Variants in FKTN observed in about 807,000 individuals in gnomAD.
FKTN encodes fukutin, also known as ribitol-5-phosphate transferase FKTN.
Under a neutral mutation model 58.6 loss-of-function variants are expected in FKTN, and 47 were observed. That is an observed-to-expected ratio of 0.80 (90% CI 0.63 to 1.02). The LOEUF is 1.02. FKTN is among the 50% of genes least tolerant of loss of function. The probability of loss-of-function intolerance (pLI) is 0.00; values close to 1 mark genes in which losing one functional copy is unlikely to be tolerated. For missense variants in FKTN, 516 were observed against 537.3 expected, an observed-to-expected ratio of 0.96 and a Z score of 0.39; for synonymous variants, 178 against 191.9, an observed-to-expected ratio of 0.93 and a Z score of 0.60.
Position 105,607,846 on chromosome 9 carries a change from T to C in FKTN, c.675T>C (p.Asp225=), listed in dbSNP as rs779298204. The stretch of plus-strand genomic sequence containing the variant: ...CAGAGTTACAGCAAGTTACTGTTGA[T>C]GGACTGGAAGTTCTCATTCCAAAGG... The part of the protein sequence containing the change: ...DRPELQQVTV[D]GLEVLIPKDP... Residue 225 remains aspartate, a synonymous_variant, in exon 7 of 11, where the codon GAT becomes GAC. Coordinates refer to ENST00000357998, the MANE Select transcript of FKTN (RefSeq NM_001079802.2). The C allele has an allele frequency of 6.2e-7, 1 of 1,613,156 alleles. No homozygotes were observed. The highest frequency in any genetic ancestry group is 8.5e-7 in the Non-Finnish European group (1 of 1,179,368).
intron 7 of FKTN, among the ~76,000 whole-genome samples, chr9:105,614,474 G>A (rs776754606): frequency 2.0e-4 from 31 of 152,238 alleles, no homozygotes; most frequent in Admixed American, 3.3e-4. Context: ...AAGTGAGGAT[G>A]ATATGTACAT....
chr9:105,581,804 C>G (rs1014000715), intron 3 of FKTN, among the ~76,000 whole-genome samples: 2 of 152,202 alleles, frequency 1.3e-5, no homozygotes, highest in Non-Finnish European at 2.9e-5. Flanking sequence ...GACTGCTGGG[C>G]TAGCAATCAG....
At position 105,617,979 on chromosome 9, in the gene FKTN, A is replaced by G; in HGVS notation, c.931A>G (p.Ile311Val). 1.3e-6 allele frequency: 2 copies of G among 1,591,614 alleles called. No individual in the cohort carries two copies. The highest frequency in any genetic ancestry group is 1.7e-6 in the Non-Finnish European group (2 of 1,159,770). Residue 311 changes from isoleucine to valine, a missense_variant, in exon 9 of 11, where the codon ATT becomes GTT. Physicochemically the swap from Ile to Val is conservative, Grantham distance 29. Coordinates refer to ENST00000357998, the MANE Select transcript of FKTN (RefSeq NM_001079802.2). ...TTTAGGATGGTATCGACAATGCAAC[A>G]TTATTCCTTATAGCAAAGATGTTGA... ...TCLGWYRQCNIIPYSKDVDLG... is the reference protein window; with the variant it reads ...TCLGWYRQCNVIPYSKDVDLG...
At chr9:105,631,854 G>A (rs1358976441) in intron 10 of FKTN, among the ~76,000 whole-genome samples, 2 of 150,842 alleles carry the variant, frequency 1.3e-5, no homozygotes, top group Non-Finnish European at 3.0e-5. Context: ...GTGGAAGTCA[G>A]TGTGGCGACT....
chr9:105,580,293 A>G (rs1263659932), intron 3 of FKTN, among the ~76,000 whole-genome samples: 2 of 152,130 alleles, frequency 1.3e-5, no homozygotes, highest in Admixed American at 6.5e-5. Context: ...ATGATTTTGC[A>G]GCAGCTGGTA....
intron 10 of FKTN, 24 bp from the exon 11 acceptor site, chr9:105,635,027 C>A (rs1833913859): frequency 6.2e-7 from 1 of 1,606,486 alleles, no homozygotes; most frequent in East Asian, 2.2e-5. Context: ...ACTGTTGAAG[C>A]CTAATCCCTC....
chr9:105,636,858 C>A lies in FKTN; in HGVS notation c.*1594C>A. ...GAAAGTAACTTACAACCACCCATTC[C>A]GGATTTGTAAAGCAACATGAAAACC... On this transcript the variant is annotated 3_prime_UTR_variant, in exon 11 of 11. Coordinates refer to ENST00000357998, the MANE Select transcript of FKTN (RefSeq NM_001079802.2). 8.8e-7 allele frequency: 1 copy of A among 1,140,926 alleles called. No homozygotes were observed. The highest frequency in any genetic ancestry group is 1.1e-6 in the Non-Finnish European group (1 of 896,414). The allele number at this position is 1,140,926 out of a possible 1,614,324, so 70.7% of individuals were successfully genotyped here.
rs769033293 is a variant in FKTN at position 105,607,878 on chromosome 9, T to G, written c.707T>G (p.Met236Arg). Residue 236 changes from methionine to arginine, a missense_variant, in exon 7 of 11, where the codon ATG (methionine) becomes AGG (arginine). Coordinates refer to ENST00000357998, the MANE Select transcript of FKTN (RefSeq NM_001079802.2). ...GAAGTTCTCATTCCAAAGGATCCAA[T>G]GCACTTTGTAGAAGAAGTACCACAC... The part of the protein sequence containing the change: ...GLEVLIPKDP[M>R]HFVEEVPHSR... The G allele has an allele frequency of 2.5e-6, 4 of 1,611,432 alleles. No homozygotes were observed. In the Admixed American group the frequency reaches 6.7e-5, roughly 27 times the overall value.
chr9:105,614,479 G>A (rs1383706001), intron 7 of FKTN, among the ~76,000 whole-genome samples: 1 of 152,142 alleles, frequency 6.6e-6, no homozygotes, highest in African/African-American at 2.4e-5. Context: ...AGGATGATAT[G>A]TACATGGTCA....
chr9:105,610,672 A>G (rs1829755400), intron 7 of FKTN, among the ~76,000 whole-genome samples: 1 of 151,734 alleles, frequency 6.6e-6, no homozygotes, highest in African/African-American at 2.4e-5. Flanking sequence ...TTCTGCAGAG[A>G]GGCTTTCCTC....
At chr9:105,558,759 T>C (rs748298594) in intron 1 of FKTN, among the ~76,000 whole-genome samples, 18 of 152,114 alleles carry the variant, frequency 1.2e-4, no homozygotes, top group Non-Finnish European at 1.6e-4. Flanking sequence ...AGCAGTATAT[T>C]AGAAATTGGG....
In FKTN at chr9:105,600,414, A is replaced by T. The variant is rs117211228; in HGVS notation, c.166-731A>T. On this transcript the variant is annotated intron_variant, in intron 4 of 10. Transcript: ENST00000357998. ...GAAGTAGGCTTTTAAGCAATAGTGT[A>T]TGCCAGATATTCTGTTTATCCTTGC... 6.5e-3 allele frequency among the ~76,000 whole-genome samples: 996 copies of T among 152,272 alleles called. 5 individuals are homozygous for T. The highest frequency in any genetic ancestry group is 0.011 in the Non-Finnish European group (744 of 67,984).
intron 7 of FKTN, among the ~76,000 whole-genome samples, chr9:105,614,651 T>A (rs1830489062): frequency 6.6e-6 from 1 of 152,198 alleles, no homozygotes; most frequent in South Asian, 2.1e-4. Flanking sequence ...TAATTAGCTT[T>A]ATTTTATCCT....
In FKTN at chr9:105,632,888, C is replaced by T. The variant is rs546900362; in HGVS notation, c.1173-2163C>T. On this transcript the variant is annotated intron_variant, in intron 10 of 10. Coordinates refer to ENST00000357998, the MANE Select transcript of FKTN (RefSeq NM_001079802.2). Reference sequence around the variant, plus strand: ...GGCCTTAAAGTACAAACTGCTTAGCCGAACTTAGTCTTAGCTTTAAAAGCC... The same window carrying T: ...GGCCTTAAAGTACAAACTGCTTAGCTGAACTTAGTCTTAGCTTTAAAAGCC... Among the ~76,000 whole-genome samples the T allele has an allele frequency of 2.2e-4, 34 of 152,228 alleles. 1 individual carries two copies. The South Asian group carries it at 3.5e-3, about 16-fold the overall frequency.
intron 1 of FKTN, among the ~76,000 whole-genome samples, chr9:105,570,658 T>G (rs1306032762): frequency 6.6e-6 from 1 of 152,122 alleles, no homozygotes; most frequent in Non-Finnish European, 1.5e-5. Flanking sequence ...ATTAGGGAAG[T>G]GTATCTTATT....
At chr9:105,595,123 T>C (rs1826525721) in intron 3 of FKTN, among the ~76,000 whole-genome samples, 1 of 152,166 alleles carries the variant, frequency 6.6e-6, no homozygotes, top group Admixed American at 6.5e-5. Flanking sequence ...GTGTCCATAA[T>C]GGGCAAATCC....
chr9:105,571,651 T>TA (rs1840753178), intron 1 of FKTN, among the ~76,000 whole-genome samples: 1 of 152,182 alleles, frequency 6.6e-6, no homozygotes, highest in Non-Finnish European at 1.5e-5. Context: ...GAAGCTGAGT[T>TA]ATGGCCTACT....
At position 105,638,317 on chromosome 9, in the gene FKTN, C is replaced by T. The variant is rs1448910299; in HGVS notation, c.*3053C>T. The T allele has an allele frequency of 1.3e-5, 13 of 985,388 alleles. No homozygotes were observed. Among genetic ancestry groups the T allele is most frequent in the Non-Finnish European group, 1.4e-5 (12 of 829,926 alleles). The allele number at this position is 985,388 out of a possible 1,614,324, so 61.0% of individuals were successfully genotyped here. ...AGTATCTTTTTGTTCAGATTGAGAA[C>T]CTAAGGCGACAGAGAGGTCAAGGGG... is the stretch of plus-strand genomic sequence containing the variant. On this transcript the variant is annotated 3_prime_UTR_variant, in exon 11 of 11. Transcript: ENST00000357998.
intron 1 of FKTN, among the ~76,000 whole-genome samples, chr9:105,560,200 C>G (rs946627662): frequency 6.6e-6 from 1 of 152,164 alleles, no homozygotes; most frequent in African/African-American, 2.4e-5. Flanking sequence ...TAACGACGAG[C>G]AAGGTAGACA....
Sources: allele counts gnomAD v4.1 joint callset (sites outside exome capture counted in the v4.1 genomes callset), GRCh38; gene constraint gnomAD v4.1.1; transcripts MANE v1.5; gene names NCBI Gene and HGNC (gene_info 2026-07-23, HGNC 2026-07-21).